The following CASZ1 variants were observed in gnomAD, a reference collection of about 807,000 sequenced individuals.
The protein encoded by CASZ1 is zinc finger protein castor homolog 1.
In CASZ1, 28 loss-of-function variants were observed where a neutral mutation model predicts 135.2. The observed-to-expected ratio is 0.21, with a 90% CI of 0.15 to 0.28. CASZ1 has a LOEUF of 0.28. CASZ1 is among the 10% of genes least tolerant of loss of function. The pLI is 1.00. For missense variants in CASZ1, 2,161 were observed against 2,453.3 expected, an observed-to-expected ratio of 0.88 and a Z score of 2.52; for synonymous variants, 1,068 against 1,073.4, an observed-to-expected ratio of 0.99 and a Z score of 0.10.
At chr1:10,736,081 C>T (rs1417958097) in intron 2 of CASZ1, among the ~76,000 whole-genome samples, 4 of 152,202 alleles carry the variant, frequency 2.6e-5, no homozygotes, top group East Asian at 1.9e-4. Context: ...CCAGTGGCCA[C>T]ACCCAACCCC....
In CASZ1 at chr1:10,717,561, GC is replaced by G. The variant is rs961444625; in HGVS notation, c.-76-12018del. On this transcript the variant is annotated intron_variant, in intron 2 of 20. Transcript: ENST00000377022. This position sits in a 1 kb window ranked among gnomAD's most constrained non-coding sequence, Gnocchi z 4.6. Reference sequence around the variant, plus strand: ...ACACCCTGTCCCTCCCTCCTCACCAGCCCCTGCCCCCTCCAACCAGTTCAGA... The same window carrying G: ...ACACCCTGTCCCTCCCTCCTCACCAGCCCTGCCCCCTCCAACCAGTTCAGA... 5.3e-5 allele frequency among the ~76,000 whole-genome samples: 8 copies of G among 152,066 alleles called. No individual in the cohort carries two copies. The highest frequency in any genetic ancestry group is 1.7e-4 in the African/African-American group (7 of 41,402).
At chr1:10,649,020 G>C in intron 15 of CASZ1, 50 bp downstream of exon 15, 1 of 1,597,120 alleles carries the variant, frequency 6.3e-7, no homozygotes, top group Non-Finnish European at 8.6e-7. Context: ...CCCAGAGCCA[G>C]GCTGGGATCC....
intron 1 of CASZ1, among the ~76,000 whole-genome samples, chr1:10,785,782 C>T (rs1640848669): frequency 6.6e-6 from 1 of 152,264 alleles, no homozygotes; most frequent in Non-Finnish European, 1.5e-5. Context: ...CAGCCCACAA[C>T]GGCTGCTTCA....
rs778261385 is a variant in CASZ1 at position 10,649,345 on chromosome 1, G to A, written c.2973C>T (p.Gly991=). The change falls in exon 14 of 21, where the codon GGC becomes GGT. Residue 991 remains glycine, a synonymous_variant. Transcript: ENST00000377022. ...SPAAEPSPFL[G]KAVKALVQEK... is the part of the protein sequence containing the mutation. ...CCTGAACCAGCGCCTTCACGGCCTT[G>A]CCTAGGAAGGGCGAGGGCTCCGCAG... The A allele has an allele frequency of 2.5e-6, 4 of 1,600,578 alleles. No individual in the cohort carries two copies. The highest frequency in any genetic ancestry group is 3.4e-5 in the Admixed American group (2 of 58,012).
intron 8 of CASZ1, 90 bp from the exon 9 acceptor site, chr1:10,655,903 GCCTCA>G (rs1642774715): frequency 1.5e-6 from 2 of 1,344,984 alleles, no homozygotes. Flanking sequence ...CCAGGTGCTG[GCCTCA>G]GGTCTCCCTA....
At chr1:10,677,460 T>C (rs1186697437) in intron 4 of CASZ1, among the ~76,000 whole-genome samples, 1 of 151,980 alleles carries the variant, frequency 6.6e-6, no homozygotes, top group Non-Finnish European at 1.5e-5. Flanking sequence ...CTAGAACCTG[T>C]GTGTGGGGCA....
At position 10,735,127 on chromosome 1, in the gene CASZ1, C is replaced by T. The variant is rs1042720495; in HGVS notation, c.-77+25574G>A. Among the ~76,000 whole-genome samples, 3 of 152,214 alleles carry T rather than the reference C, an allele frequency of 2.0e-5. No individual in the cohort carries two copies. Among genetic ancestry groups the T allele is most frequent in the Non-Finnish European group, 4.4e-5 (3 of 68,038 alleles). On this transcript the variant is annotated intron_variant, in intron 2 of 20. Transcript: ENST00000377022. The surrounding 1 kb of genome is among the most constrained non-coding windows in gnomAD (Gnocchi z 5.1). ...CCTTAGCAACCTAATTGCATCAGTA[C>T]ATTGCACACAGGAGCCAAAGTAACT...
chr1:10,677,230 G>T (rs893389776), intron 4 of CASZ1, among the ~76,000 whole-genome samples: 12 of 152,152 alleles, frequency 7.9e-5, no homozygotes, highest in Non-Finnish European at 2.9e-5. Context: ...ACACTCCCTC[G>T]CTGCTGGAGG....
In CASZ1 at chr1:10,677,856, G is replaced by A. The variant is rs1048980805; in HGVS notation, c.17-12285C>T. ...ATTTGAGCCACACATGGCCCAGTGG[G>A]CAAGGACCCCAAATGGCTCTGAACC... On this transcript the variant is annotated intron_variant, in intron 4 of 20. Coordinates refer to ENST00000377022, the MANE Select transcript of CASZ1 (RefSeq NM_001079843.3). Among the ~76,000 whole-genome samples, 6 of 152,268 alleles carry A rather than the reference G, an allele frequency of 3.9e-5. No homozygotes were observed. In the East Asian group the frequency reaches 9.6e-4, roughly 24 times the overall value.
At chr1:10,686,467 C>T (rs1030888591) in intron 4 of CASZ1, among the ~76,000 whole-genome samples, 6 of 152,216 alleles carry the variant, frequency 3.9e-5, no homozygotes, top group African/African-American at 1.4e-4. Context: ...CTGGGACAGC[C>T]TGTTGCCCAG....
intron 2 of CASZ1, among the ~76,000 whole-genome samples, chr1:10,749,705 T>C (rs1264388730): frequency 6.6e-6 from 1 of 152,180 alleles, no homozygotes; most frequent in Non-Finnish European, 1.5e-5. Context: ...CCAGTTTCTC[T>C]TCTTACTTTC....
At position 10,717,318 on chromosome 1, in the gene CASZ1, T is replaced by C. The variant is rs747070291; in HGVS notation, c.-76-11774A>G. ...CCCCAAACTTCCCACTTGGCTTCTC[T>C]GCCTTTCTGTCCGATGCATCTTTCC... is the stretch of plus-strand genomic sequence containing the variant. On this transcript the variant is annotated intron_variant, in intron 2 of 20. Transcript: ENST00000377022. This position sits in a 1 kb window ranked among gnomAD's most constrained non-coding sequence, Gnocchi z 4.6. Among the ~76,000 whole-genome samples the C allele has an allele frequency of 6.6e-6, 1 of 152,196 alleles. No homozygotes were observed. The highest frequency in any genetic ancestry group is 1.5e-5 in the Non-Finnish European group (1 of 68,020).
rs1045991276 is a variant in CASZ1 at position 10,747,877 on chromosome 1, T to C, written c.-77+12824A>G. On this transcript the variant is annotated intron_variant, in intron 2 of 20. Transcript: ENST00000377022. This position sits in a 1 kb window ranked among gnomAD's most constrained non-coding sequence, Gnocchi z 4.3. ...TGCCGCCCAGGCTGGAGTGCAGTGG[T>C]GTGATCTCAGCTCACTGCAAGCTCC... Among the ~76,000 whole-genome samples, 2 of 150,618 alleles carry C rather than the reference T, an allele frequency of 1.3e-5. No individual in the cohort carries two copies. The highest frequency in any genetic ancestry group is 3.0e-5 in the Non-Finnish European group (2 of 67,788).
At chr1:10,733,918 G>C (rs529274096) in intron 2 of CASZ1, among the ~76,000 whole-genome samples, 16 of 152,174 alleles carry the variant, frequency 1.1e-4, no homozygotes, top group Non-Finnish European at 2.2e-4. Flanking sequence ...TAAAGGGCGT[G>C]GCACAGCACT....
At position 10,741,555 on chromosome 1, in the gene CASZ1, C is replaced by T. The variant is rs1322637112; in HGVS notation, c.-77+19146G>A. On this transcript the variant is annotated intron_variant, in intron 2 of 20. Transcript: ENST00000377022. The surrounding 1 kb of genome is among the most constrained non-coding windows in gnomAD (Gnocchi z 5.0). ...TGGAAAAAAGAGATTTAGATATTTA[C>T]GGGAAATACATTTGTTGGTGCCAAA... is the stretch of plus-strand genomic sequence containing the variant. Among the ~76,000 whole-genome samples the T allele has an allele frequency of 6.6e-6, 1 of 152,088 alleles. No homozygotes were observed. The highest frequency in any genetic ancestry group is 2.1e-4 in the South Asian group (1 of 4,828).
Position 10,725,717 on chromosome 1 carries a change from CT to C in CASZ1, c.-76-20174del, listed in dbSNP as rs77796677. Among the ~76,000 whole-genome samples, 507 of 143,490 alleles carry C rather than the reference CT, an allele frequency of 3.5e-3. No homozygotes were observed. The highest frequency in any genetic ancestry group is 0.011 in the Middle Eastern group (3 of 278). 94.1% of individuals were successfully genotyped at this position (143,490 alleles called of 152,430 possible). Reference sequence around the variant, plus strand: ...GGTGGAAGCCAGGTTCTGGAAAGCCCTTTTTTTTTTTTTACTAGGAGACCCC... The same window carrying C: ...GGTGGAAGCCAGGTTCTGGAAAGCCCTTTTTTTTTTTTACTAGGAGACCCC... On this transcript the variant is annotated intron_variant, in intron 2 of 20. Coordinates refer to ENST00000377022, the MANE Select transcript of CASZ1 (RefSeq NM_001079843.3). This position sits in a 1 kb window ranked among gnomAD's most constrained non-coding sequence, Gnocchi z 4.4.
Position 10,642,902 on chromosome 1 carries a change from C to T in CASZ1, c.4119G>A (p.Arg1373=). ...TACCCACGGGGGTGCTGGAGCAGCT[C>T]CGGTCCATGGTGGATGACTCAGAGG... ...AMSSESSTMD[R]SCSSTPVGNE... The change falls in exon 20 of 21, where the codon CGG becomes CGA. Residue 1373 remains arginine (R), a synonymous_variant. Transcript: ENST00000377022. The T allele has an allele frequency of 6.2e-7, 1 of 1,613,040 alleles. No individual in the cohort carries two copies. Among genetic ancestry groups the T allele is most frequent in the Non-Finnish European group, 8.5e-7 (1 of 1,179,978 alleles).
At position 10,719,519 on chromosome 1, in the gene CASZ1, G is replaced by A. The variant is rs2100481207; in HGVS notation, c.-76-13975C>T. ...GAAGGGATCCCTAAGAAGCAGCGCT[G>A]TGGGGAAGGTGGCACCGAACAAGTT... On this transcript the variant is annotated intron_variant, in intron 2 of 20. Coordinates refer to ENST00000377022, the MANE Select transcript of CASZ1 (RefSeq NM_001079843.3). This position sits in a 1 kb window ranked among gnomAD's most constrained non-coding sequence, Gnocchi z 4.0. Among the ~76,000 whole-genome samples the A allele has an allele frequency of 6.6e-6, 1 of 152,342 alleles. No individual in the cohort carries two copies. Among genetic ancestry groups the A allele is most frequent in the East Asian group, 1.9e-4 (1 of 5,182 alleles).
At chr1:10,693,404 A>C (rs1266106121) in intron 4 of CASZ1, among the ~76,000 whole-genome samples, 1 of 151,168 alleles carries the variant, frequency 6.6e-6, no homozygotes, top group East Asian at 2.0e-4. Context: ...ACCTTTCCCA[A>C]CAGGACGCTG....
Sources: gnomAD v4.1 joint callset for allele counts (sites outside exome capture counted in the v4.1 genomes callset) on GRCh38, gnomAD v4.1.1 for gene constraint, Gnocchi (gnomAD v3.1) non-coding constraint, MANE v1.5 for transcripts, NCBI Gene and HGNC (gene_info 2026-07-23, HGNC 2026-07-21) for gene names.